MYH1: variants seen among roughly 807,000 people sequenced by gnomAD.
The protein encoded by MYH1 is myosin-1.
MYH1 carries 214 observed loss-of-function variants against 225.6 expected under a neutral mutation model. The ratio of observed to expected loss-of-function variants is 0.95; its 90% CI spans 0.85 to 1.06. MYH1 has a LOEUF of 1.06. MYH1 is among the 50% of genes least tolerant of loss of function. MYH1 has a pLI of 0.00. For synonymous variants in MYH1, 774 were observed against 842.3 expected (o/e 0.92, Z 1.40); for missense variants, 2,098 against 2,344.2 (o/e 0.89, Z 2.17).
In MYH1 at chr17:10,506,094, A is replaced by G; in HGVS notation, c.1974T>C (p.Asn658=). Residue 658 remains asparagine, a synonymous_variant, in exon 18 of 40, where the codon AAT becomes AAC. Transcript: ENST00000226207. ...TCAAGTTGGTCATCAGCTTATTCAA[A>G]TTCTCCTGTGGAACCATGCGAGTTT... The part of the protein sequence containing the change: ...FQTVSALFRE[N]LNKLMTNLRS... The G allele has an allele frequency of 6.2e-7, 1 of 1,614,220 alleles. No individual in the cohort carries two copies. The highest frequency in any genetic ancestry group is 2.2e-5 in the East Asian group (1 of 44,890).
intron 2 of MYH1, among the ~76,000 whole-genome samples, chr17:10,517,891 T>A (rs1435454600): frequency 6.6e-6 from 1 of 152,236 alleles, no homozygotes; most frequent in Non-Finnish European, 1.5e-5. Context: ...ATAGAAAATT[T>A]AAATTTTCTC....
intron 14 of MYH1, among the ~76,000 whole-genome samples, chr17:10,510,165 T>C (rs2073157427): frequency 6.6e-6 from 1 of 151,950 alleles, no homozygotes. Flanking sequence ...TTTTTAAAAG[T>C]TGTTTGGTTT....
chr17:10,498,939 G>A, intron 29 of MYH1, 35 bp downstream of exon 29: 2 of 1,603,148 alleles, frequency 1.2e-6, no homozygotes, highest in Non-Finnish European at 1.7e-6. Context: ...CAAATAACAA[G>A]AACAATAATG....
intron 28 of MYH1, among the ~76,000 whole-genome samples, chr17:10,499,912 TTACCTC>T (rs2073034554): frequency 6.6e-6 from 1 of 152,210 alleles, no homozygotes; most frequent in Non-Finnish European, 1.5e-5. Flanking sequence ...TTCCATTTTG[TTACCTC>T]TACCTGGGGA....
At chr17:10,513,451 T>C (rs894727997) in intron 9 of MYH1, among the ~76,000 whole-genome samples, 175 bp downstream of exon 9, 4 of 152,196 alleles carry the variant, frequency 2.6e-5, no homozygotes, top group African/African-American at 7.2e-5. Flanking sequence ...CATTACCTCA[T>C]GACTGGAGTG....
intron 14 of MYH1, among the ~76,000 whole-genome samples, chr17:10,510,222 T>C (rs2073157983): frequency 6.6e-6 from 1 of 152,202 alleles, no homozygotes; most frequent in African/African-American, 2.4e-5. Context: ...ATGATTATGA[T>C]TATGTTGTAA....
rs776728928 is a variant in MYH1 at position 10,505,106 on chromosome 17, G to T, written c.2436-41C>A. 10 of 1,612,716 alleles carry T rather than the reference G, an allele frequency of 6.2e-6. No homozygotes were observed. The African/African-American group carries it at 1.2e-4, about 19-fold the overall frequency. ...AAATGTCCAAATCAGATTATAATAA[G>T]AAGCAGAATTAAAACACCTAAGATG... On this transcript the variant is annotated intron_variant, in intron 21 of 39. Coordinates refer to ENST00000226207, the MANE Select transcript of MYH1 (RefSeq NM_005963.4).
chr17:10,494,767 G>A (rs1188051985), intron 37 of MYH1, 94 bp from the exon 38 acceptor site: 15 of 1,584,182 alleles, frequency 9.5e-6, no homozygotes, highest in Non-Finnish European at 1.2e-5. Flanking sequence ...TTTATATGTA[G>A]TTTTTAATGC....
chr17:10,501,104 T>C lies in MYH1; in HGVS notation c.3738+6A>G, dbSNP rs750494466. On this transcript the variant is annotated splice_donor_region_variant and intron_variant, in intron 27 of 39. Transcript: ENST00000226207. ...CCAAATAATCAATGTGAAGTGTTGATTGTACCTTGGCTTTGGAGACAGTCT... is the reference window on the plus strand; with the variant it reads ...CCAAATAATCAATGTGAAGTGTTGACTGTACCTTGGCTTTGGAGACAGTCT... The C allele has an allele frequency of 1.9e-6, 3 of 1,613,272 alleles. No homozygotes were observed. Among genetic ancestry groups the C allele is most frequent in the Non-Finnish European group, 2.5e-6 (3 of 1,179,254 alleles).
chr17:10,500,347 T>C (rs559574385), intron 28 of MYH1, among the ~76,000 whole-genome samples: 1 of 150,660 alleles, frequency 6.6e-6, no homozygotes, highest in African/African-American at 2.4e-5. Context: ...ATTCTATTTA[T>C]CTCTCTCTCT....
At position 10,508,523 on chromosome 17, in the gene MYH1, G is replaced by T. The variant is rs1206647156; in HGVS notation, c.1737C>A (p.His579Gln). 6 of 1,613,998 alleles carry T rather than the reference G, an allele frequency of 3.7e-6. No individual in the cohort carries two copies. Among genetic ancestry groups the T allele is most frequent in the Admixed American group, 3.3e-5 (2 of 60,004 alleles). Residue 579 changes from histidine to glutamine, a missense_variant, in exon 16 of 40, where the codon CAC becomes CAA. Physicochemically the swap from His to Gln is conservative, Grantham distance 24. Transcript: ENST00000226207. ...PKPAKGKPEA[H>Q]FSLIHYAGTV... ...TGCCAGCATAGTGAATCAAAGAGAA[G>T]TGGGCCTCAGGCTTGCCTTTGGCAG...
rs748297615 is a variant in MYH1 at position 10,505,246 on chromosome 17, C to T, written c.2352G>A (p.Lys784=). The part of the protein sequence containing the change: ...LGLLEEMRDE[K]LAQLITRTQA... The stretch of plus-strand genomic sequence containing the variant: ...GGGTTCGGGTAATCAGCTGGGCCAG[C>T]TTCTCATCTCGCATCTCCTCTAGGA... The change falls in exon 21 of 40, where the codon AAG becomes AAA. Residue 784 remains lysine, a synonymous_variant. Coordinates refer to ENST00000226207, the MANE Select transcript of MYH1 (RefSeq NM_005963.4). 6.2e-7 allele frequency: 1 copy of T among 1,614,112 alleles called. No homozygotes were observed. Among genetic ancestry groups the T allele is most frequent in the East Asian group, 2.2e-5 (1 of 44,898 alleles).
chr17:10,501,365 G>A lies in MYH1; in HGVS notation c.3483C>T (p.Thr1161=), dbSNP rs750775655. The A allele has an allele frequency of 1.1e-4, 185 of 1,613,800 alleles. 1 individual carries two copies. Among genetic ancestry groups the A allele is most frequent in the Middle Eastern group, 3.3e-4 (2 of 6,014 alleles). ...TCTTGTTCATCTCAATCTGGGCTGAGGTGGCCCCACCGGCTTCTTCCAGCC... is the reference window on the plus strand; with the variant it reads ...TCTTGTTCATCTCAATCTGGGCTGAAGTGGCCCCACCGGCTTCTTCCAGCC... The part of the protein sequence containing the change: ...SERLEEAGGA[T]SAQIEMNKKR... Residue 1161 remains threonine, a synonymous_variant, in exon 27 of 40, where the codon ACC becomes ACT. Transcript: ENST00000226207.
At position 10,494,728 on chromosome 17, in the gene MYH1, A is replaced by G. The variant is rs1328749289; in HGVS notation, c.5467-55T>C. 11 of 1,606,560 alleles carry G rather than the reference A, an allele frequency of 6.8e-6. No individual in the cohort carries two copies. The Admixed American group carries it at 1.3e-4, about 20-fold the overall frequency. On this transcript the variant is annotated intron_variant, in intron 37 of 39. Coordinates refer to ENST00000226207, the MANE Select transcript of MYH1 (RefSeq NM_005963.4). ...TCATTTGACGAATTTCTACTTCTTC[A>G]CATGACCCACATACTTCTTCTACTC...
At chr17:10,499,646 C>T (rs2073032677) in intron 28 of MYH1, among the ~76,000 whole-genome samples, 2 of 152,170 alleles carry the variant, frequency 1.3e-5, no homozygotes, top group Admixed American at 6.5e-5. Flanking sequence ...GGCATTTACA[C>T]ATGTCTTCAA....
chr17:10,496,227 T>C lies in MYH1; in HGVS notation c.4965+14A>G. On this transcript the variant is annotated intron_variant, in intron 34 of 39. Transcript: ENST00000226207. ...ACCCCAATTGTCCTGGGATCATCTG[T>C]TGGACATATTTACCTTGAGGATGGC... 1 of 1,614,164 alleles carries C rather than the reference T, an allele frequency of 6.2e-7. No homozygotes were observed. The highest frequency in any genetic ancestry group is 2.2e-5 in the East Asian group (1 of 44,872).
In MYH1 at chr17:10,503,033, C is replaced by T; in HGVS notation, c.2907G>A (p.Glu969=). 6.2e-7 allele frequency: 1 copy of T among 1,613,832 alleles called. No individual in the cohort carries two copies. Among genetic ancestry groups the T allele is most frequent in the Non-Finnish European group, 8.5e-7 (1 of 1,179,922 alleles). ...DDLELTLAKV[E]KEKHATENKV... is the part of the protein sequence containing the mutation. ...TGTTTTCTGTGGCATGTTTCTCCTT[C>T]TCAACCTTGGCCAGTGTCAGCTCAA... The change falls in exon 23 of 40, where the codon GAG becomes GAA. Residue 969 remains glutamate, a synonymous_variant. Transcript: ENST00000226207.
chr17:10,511,960 T>G lies in MYH1; in HGVS notation c.1295A>C (p.Lys432Thr), dbSNP rs1272968601. 1.9e-6 allele frequency: 3 copies of G among 1,614,054 alleles called. No individual in the cohort carries two copies. The highest frequency in any genetic ancestry group is 2.5e-6 in the Non-Finnish European group (3 of 1,180,034). The change falls in exon 14 of 40, where the codon AAA (lysine) becomes ACA (threonine). Residue 432 changes from lysine to threonine, a missense_variant. Lys to Thr is a moderately conservative substitution (Grantham distance 78). Coordinates refer to ENST00000226207, the MANE Select transcript of MYH1 (RefSeq NM_005963.4). The stretch of plus-strand genomic sequence containing the variant: ...CAAGAACATCTTATCGTAGACAGCT[T>G]TGGCCAGAGCACCCACTGCATTGTA... ...QVYNAVGALA[K>T]AVYDKMFLWM... is the part of the protein sequence containing the mutation.
At chr17:10,494,510 A>G in intron 38 of MYH1, 59 bp downstream of exon 38, 13 of 1,610,862 alleles carry the variant, frequency 8.1e-6, no homozygotes, top group South Asian at 1.1e-5. Flanking sequence ...TTTGTCATAC[A>G]TATGACTTTT....
Sources: allele counts gnomAD v4.1 joint callset (sites outside exome capture counted in the v4.1 genomes callset), GRCh38; gene constraint gnomAD v4.1.1; transcripts MANE v1.5; gene names NCBI Gene and HGNC (gene_info 2026-07-23, HGNC 2026-07-21).